APOBEC3H: variants seen among roughly 807,000 people sequenced by gnomAD.
APOBEC3H encodes DNA dC->dU-editing enzyme APOBEC-3H.
A neutral mutation model predicts 21.2 loss-of-function variants in APOBEC3H; 8 were observed. That is an observed-to-expected ratio of 0.38 (90% confidence interval 0.22 to 0.68). APOBEC3H has a LOEUF of 0.68. Ranked by LOEUF, APOBEC3H falls within the 30% of genes least tolerant of loss-of-function variation. The pLI is 0.52. For missense variants in APOBEC3H, 229 were observed against 228.1 expected, an observed-to-expected ratio of 1.00 and a Z score of -0.03; for synonymous variants, 88 against 91.0, an observed-to-expected ratio of 0.97 and a Z score of 0.19.
intron 2 of APOBEC3H, 45 bp from the exon 3 acceptor site, chr22:39,101,192 C>T (rs1569093774): frequency 1.5e-6 from 2 of 1,341,286 alleles, no homozygotes; most frequent in Non-Finnish European, 2.0e-6. Context: ...GACTCCTGGC[C>T]TCTCTCTTCT....
At position 39,100,452 on chromosome 22, in the gene APOBEC3H, C is replaced by T. The variant is rs758625079; in HGVS notation, c.150+24C>T. On this transcript the variant is annotated intron_variant, in intron 2 of 4. Transcript: ENST00000442487. ...AGGTGCCACACGGGCTCTCTGGGCACAGGGCCGGCAGGGGCTAACCCCATC... is the reference window on the plus strand; with the variant it reads ...AGGTGCCACACGGGCTCTCTGGGCATAGGGCCGGCAGGGGCTAACCCCATC... The T allele has an allele frequency of 3.9e-5, 62 of 1,609,828 alleles. No individual in the cohort carries two copies. The South Asian group carries it at 6.7e-4, about 17-fold the overall frequency.
At chr22:39,101,567 C>CTGGGGGT in intron 3 of APOBEC3H, 63 bp downstream of exon 3, 1 of 402,904 alleles carries the variant, frequency 2.5e-6, no homozygotes, top group Non-Finnish European at 4.6e-6. Context: ...TTGGCAGGGG[C>CTGGGGGT]TGGGGGTTGG....
chr22:39,098,379 A>T (rs1406129340), intron 1 of APOBEC3H, among the ~76,000 whole-genome samples: 2 of 152,124 alleles, frequency 1.3e-5, no homozygotes, highest in African/African-American at 4.8e-5. Context: ...TCATGCCTGT[A>T]ATCCCAACAC....
In APOBEC3H at chr22:39,100,405, A is replaced by G. The variant is rs1380644847; in HGVS notation, c.127A>G (p.Thr43Ala). The G allele has an allele frequency of 6.2e-7, 1 of 1,613,958 alleles. No individual in the cohort carries two copies. The highest frequency in any genetic ancestry group is 2.2e-5 in the East Asian group (1 of 44,862). Residue 43 changes from threonine to alanine, a missense_variant, in exon 2 of 5, where the codon ACG becomes GCG. Coordinates refer to ENST00000442487, the MANE Select transcript of APOBEC3H (RefSeq NM_181773.5). ...GACGCCGCAGAATGGCTCCACGCCC[A>G]CGAGAGGCTACTTTGAAAACAAGGT... ...QLTPQNGSTPTRGYFENKKKC... is the reference protein window; with the variant it reads ...QLTPQNGSTPARGYFENKKKC...
At chr22:39,098,876 G>C (rs67079788) in intron 1 of APOBEC3H, among the ~76,000 whole-genome samples, 2 of 152,072 alleles carry the variant, frequency 1.3e-5, no homozygotes, top group Non-Finnish European at 2.9e-5. Flanking sequence ...TCAGGCCCTC[G>C]GGGAGACAGG....
In APOBEC3H at chr22:39,102,559, T is replaced by G. The variant is rs1201556260; in HGVS notation, c.543+517T>G. 7.0e-6 allele frequency: 5 copies of G among 718,350 alleles called. No individual in the cohort carries two copies. The East Asian group carries it at 8.0e-5, about 12-fold the overall frequency. The allele number at this position is 718,350 out of a possible 1,614,324, so 44.5% of individuals were successfully genotyped here. A position where few individuals can be genotyped will look rare whatever the true frequency, so the allele number is the denominator to read the frequency against. ...GTCGTTACATGGATATATTGTGTGA[T>G]GCTGAGGTCTGAGTCACCCAATCTA... On this transcript the variant is annotated intron_variant, in intron 4 of 4. Coordinates refer to ENST00000442487, the MANE Select transcript of APOBEC3H (RefSeq NM_181773.5).
chr22:39,102,068 C>G, intron 4 of APOBEC3H, 26 bp downstream of exon 4: 1 of 1,609,166 alleles, frequency 6.2e-7, no homozygotes. Context: ...GCCTGCTGCC[C>G]CCGACCTCCT....
chr22:39,103,297 A>G (rs759892091), intron 4 of APOBEC3H, among the ~76,000 whole-genome samples: 2 of 152,226 alleles, frequency 1.3e-5, no homozygotes, highest in Non-Finnish European at 2.9e-5. Context: ...AAAAAATAAT[A>G]ATAACCCAAG....
At chr22:39,100,897 C>T (rs55887645) in intron 2 of APOBEC3H, among the ~76,000 whole-genome samples, 31,723 of 151,664 alleles carry the variant, frequency 0.21, 4,949 homozygotes, top group African/African-American at 0.44. Flanking sequence ...GCCTCCTAGG[C>T]GGGTGTCCAA....
intron 1 of APOBEC3H, among the ~76,000 whole-genome samples, chr22:39,097,634 C>T (rs890718467): frequency 6.6e-6 from 1 of 152,202 alleles, no homozygotes; most frequent in Non-Finnish European, 1.5e-5. Flanking sequence ...GGAGGGTGCT[C>T]TCTCTGTGTG....
chr22:39,101,977 T>G lies in APOBEC3H; in HGVS notation c.478T>G (p.Tyr160Asp), dbSNP rs139683887. The G allele has an allele frequency of 1.2e-4, 187 of 1,613,498 alleles. No homozygotes were observed. Among genetic ancestry groups the G allele is most frequent in the Non-Finnish European group, 1.4e-4 (167 of 1,179,868 alleles). ...CGAGAAACCGCTTTCCTTCAACCCC[T>G]ATAAGATGTTAGAGGAGCTAGATAA... ...DHEKPLSFNP[Y>D]KMLEELDKNS... The change falls in exon 4 of 5, where the codon TAT becomes GAT. Residue 160 changes from tyrosine (Y) to aspartate (D), a missense_variant. Tyr to Asp is a radical substitution (Grantham distance 160). Coordinates refer to ENST00000442487, the MANE Select transcript of APOBEC3H (RefSeq NM_181773.5).
intron 2 of APOBEC3H, 43 bp from the exon 3 acceptor site, chr22:39,101,194 C>G: frequency 7.2e-7 from 1 of 1,389,682 alleles, no homozygotes; most frequent in Non-Finnish European, 9.6e-7. Flanking sequence ...CTCCTGGCCT[C>G]TCTCTTCTCC....
intron 2 of APOBEC3H, 138 bp from the exon 3 acceptor site, chr22:39,101,099 G>T: frequency 1.2e-6 from 1 of 813,888 alleles, no homozygotes; most frequent in Non-Finnish European, 1.9e-6. Flanking sequence ...CACTAGGCCA[G>T]GCCACGCACT....
chr22:39,102,983 A>AAG (rs1929460167), intron 4 of APOBEC3H, among the ~76,000 whole-genome samples: 1 of 94,410 alleles, frequency 1.1e-5, no homozygotes, highest in East Asian at 3.0e-4. Flanking sequence ...AAAAAAAAAA[A>AAG]AAAAAAAATT....
At position 39,101,457 on chromosome 22, in the gene APOBEC3H, G is replaced by A. The variant is rs374311513; in HGVS notation, c.371G>A (p.Arg124Gln). Residue 124 changes from arginine (R) to glutamine (Q), a missense_variant, in exon 3 of 5, where the codon CGG (arginine) becomes CAG (glutamine). Physicochemically the swap from Arg to Gln is conservative, Grantham distance 43. Transcript: ENST00000442487. ...TGCAAGCCCCAGCAGAAGGGGCTGC[G>A]GCTTCTGTGTGGATCCCAGGTCCCG... ...HWCKPQQKGL[R>Q]LLCGSQVPVE... 1.9e-5 allele frequency: 30 copies of A among 1,611,362 alleles called. No homozygotes were observed. In the African/African-American group the frequency reaches 2.7e-4, roughly 14 times the overall value.
intron 4 of APOBEC3H, chr22:39,102,385 A>G (rs1929418219): frequency 1.5e-6 from 1 of 663,082 alleles, no homozygotes; most frequent in Admixed American, 2.3e-5. Flanking sequence ...CTTGGCCTCA[A>G]GTGACCTGCC....
rs567966449 is a variant in APOBEC3H, at chr22:39,101,223, G to T, written c.151-14G>T. ...CTTCTCCCCTCCCTTCTCTCTGTTTGGGACCCTCCCCAGAAAAAGTGCCAT... is the reference window on the plus strand; with the variant it reads ...CTTCTCCCCTCCCTTCTCTCTGTTTTGGACCCTCCCCAGAAAAAGTGCCAT... On this transcript the variant is annotated splice_polypyrimidine_tract_variant and intron_variant, in intron 2 of 4. Transcript: ENST00000442487. The T allele has an allele frequency of 1.7e-5, 26 of 1,517,504 alleles. No individual in the cohort carries two copies. The South Asian group carries it at 2.7e-4, about 16-fold the overall frequency. The allele number at this position is 1,517,504 out of a possible 1,614,324, so 94.0% of individuals were successfully genotyped here. A position where few individuals can be genotyped will look rare whatever the true frequency, so the allele number is the denominator to read the frequency against.
chr22:39,101,872 C>T, intron 3 of APOBEC3H, 46 bp from the exon 4 acceptor site: 4 of 1,613,624 alleles, frequency 2.5e-6, no homozygotes, highest in Non-Finnish European at 3.4e-6. Context: ...CCTGGCACTG[C>T]AGCTGCTGCC....
At chr22:39,101,860 C>A in intron 3 of APOBEC3H, 58 bp from the exon 4 acceptor site, 1 of 1,612,924 alleles carries the variant, frequency 6.2e-7, no homozygotes. Flanking sequence ...GAAGCAAGAG[C>A]TCCTGGCACT....
Sources: allele counts gnomAD v4.1 joint callset (sites outside exome capture counted in the v4.1 genomes callset), GRCh38; gene constraint gnomAD v4.1.1; transcripts MANE v1.5; gene names NCBI Gene and HGNC (gene_info 2026-07-23, HGNC 2026-07-21).